GOLGA3: variants seen among roughly 807,000 people sequenced by gnomAD.
GOLGA3 encodes golgin A3.
GOLGA3 carries 75 observed loss-of-function variants against 169.4 expected under a neutral mutation model. The observed-to-expected ratio is 0.44, with a 90% CI of 0.37 to 0.54. The LOEUF (loss-of-function observed/expected upper bound fraction) is 0.54, where lower values mean the gene tolerates loss of function less well. Among genes scored for constraint, GOLGA3 ranks in the 20% least tolerant of loss-of-function variants. The pLI, the probability that GOLGA3 is intolerant of heterozygous loss-of-function variation, is 0.00. For synonymous variants in GOLGA3, 824 were observed against 822.4 expected, an observed-to-expected ratio of 1.00 and a Z score of -0.03; for missense variants, 1,899 against 1,930.0, an observed-to-expected ratio of 0.98 and a Z score of 0.30.
In GOLGA3 at chr12:132,773,301, C is replaced by G; in HGVS notation, c.4308-7G>C. On this transcript the variant is annotated splice_region_variant and splice_polypyrimidine_tract_variant and intron_variant, in intron 23 of 23. Transcript: ENST00000450791. ...CAGGCTGTCCATCTCCTGCCTGGGA[C>G]AGAAGAAGGAGGAAGAAGGCCCAGA... 1.4e-6 allele frequency: 2 copies of G among 1,393,518 alleles called. No homozygotes were observed. Among genetic ancestry groups the G allele is most frequent in the Non-Finnish European group, 1.9e-6 (2 of 1,057,228 alleles). 86.3% of individuals were successfully genotyped at this position (1,393,518 alleles called of 1,614,324 possible). A position where few individuals can be genotyped will look rare whatever the true frequency, so the allele number is the denominator to read the frequency against.
At chr12:132,811,020 C>T (rs1949677439) in intron 4 of GOLGA3, among the ~76,000 whole-genome samples, 1 of 152,250 alleles carries the variant, frequency 6.6e-6, no homozygotes, top group South Asian at 2.1e-4. Flanking sequence ...CCCTCTCTCT[C>T]TACCTCAGCT....
chr12:132,811,460 C>G (rs4758944), intron 4 of GOLGA3, among the ~76,000 whole-genome samples: 105,280 of 151,736 alleles, frequency 0.69, 36,828 homozygotes, highest in East Asian at 0.8. Flanking sequence ...GATAACTCTT[C>G]ATTTTTCATA....
intron 4 of GOLGA3, among the ~76,000 whole-genome samples, chr12:132,811,449 G>A (rs1949703653): frequency 6.6e-6 from 1 of 151,998 alleles, no homozygotes; most frequent in Non-Finnish European, 1.5e-5. Context: ...ACAACTGCTA[G>A]GATAACTCTT....
intron 3 of GOLGA3, among the ~76,000 whole-genome samples, chr12:132,814,582 A>C: frequency 6.6e-6 from 1 of 152,210 alleles, no homozygotes; most frequent in African/African-American, 2.4e-5. Context: ...GCTCTGACGC[A>C]CAGCTCATCT....
intron 13 of GOLGA3, 144 bp from the exon 14 acceptor site, chr12:132,786,931 G>C: frequency 1.6e-6 from 1 of 637,500 alleles, no homozygotes; most frequent in Non-Finnish European, 2.8e-6. Flanking sequence ...TCCTGAGAGA[G>C]ACGTCTGCCT....
rs201936977 is a variant in GOLGA3 at position 132,802,003 on chromosome 12, C to T, written c.1598-34G>A. ...GGGCAAGCACAGCGGCTCAGGCCAG[C>T]GACGGCCAACGGGGGAGTCCGCAGC... On this transcript the variant is annotated intron_variant, in intron 7 of 23. Coordinates refer to ENST00000450791, the MANE Select transcript of GOLGA3 (RefSeq NM_001389683.1). The T allele has an allele frequency of 1.9e-5, 29 of 1,559,066 alleles. No individual in the cohort carries two copies. The East Asian group carries it at 4.1e-4, about 22-fold the overall frequency.
chr12:132,790,543 G>T (rs1394053981), intron 12 of GOLGA3, among the ~76,000 whole-genome samples: 2 of 152,062 alleles, frequency 1.3e-5, no homozygotes, highest in Non-Finnish European at 2.9e-5. Flanking sequence ...TTCAATGCTG[G>T]AACTCTATGT....
At chr12:132,805,943 GCTGC>G (rs1488691877) in intron 6 of GOLGA3, among the ~76,000 whole-genome samples, 2 of 152,192 alleles carry the variant, frequency 1.3e-5, no homozygotes, top group Non-Finnish European at 2.9e-5. Flanking sequence ...GGGAAAGGCG[GCTGC>G]CTAAGTGCGG....
chr12:132,785,828 A>G (rs1032960192), intron 15 of GOLGA3, among the ~76,000 whole-genome samples: 2 of 152,252 alleles, frequency 1.3e-5, no homozygotes, highest in Admixed American at 6.5e-5. Context: ...ACGGAGGGCC[A>G]CGGCCTCCAC....
At chr12:132,779,406 T>C (rs1312589893) in intron 18 of GOLGA3, among the ~76,000 whole-genome samples, 2 of 152,184 alleles carry the variant, frequency 1.3e-5, no homozygotes, top group East Asian at 3.8e-4. Context: ...ATTAATTCTA[T>C]TTATAAAGAA....
intron 2 of GOLGA3, among the ~76,000 whole-genome samples, chr12:132,818,253 A>C (rs1284587592): frequency 6.6e-6 from 1 of 152,200 alleles, no homozygotes; most frequent in Non-Finnish European, 1.5e-5. Context: ...TAGTAACGAC[A>C]GTAACATTTC....
chr12:132,823,912 G>A (rs1462015493), intron 1 of GOLGA3, among the ~76,000 whole-genome samples: 1 of 151,740 alleles, frequency 6.6e-6, no homozygotes. Flanking sequence ...GTGAAACCTC[G>A]TCTCTACTAA....
intron 2 of GOLGA3, among the ~76,000 whole-genome samples, chr12:132,819,849 G>A (rs377541478): frequency 3.0e-4 from 45 of 152,252 alleles, no homozygotes; most frequent in African/African-American, 1.0e-3. Context: ...AGACCAGCCC[G>A]GGCAACAGCA....
At chr12:132,821,850 T>A (rs1400172309) in intron 2 of GOLGA3, 146 bp downstream of exon 2, 2 of 508,260 alleles carry the variant, frequency 3.9e-6, no homozygotes, top group Admixed American at 8.9e-5. Flanking sequence ...CGAGACTCCG[T>A]CTCAAAAAAA....
rs539009515 is a variant in GOLGA3, at chr12:132,795,220, G to A, written c.2469+632C>T. Among the ~76,000 whole-genome samples, 7 of 151,940 alleles carry A rather than the reference G, an allele frequency of 4.6e-5. No individual in the cohort carries two copies. The East Asian group carries it at 1.2e-3, about 25-fold the overall frequency. On this transcript the variant is annotated intron_variant, in intron 11 of 23. Coordinates refer to ENST00000450791, the MANE Select transcript of GOLGA3 (RefSeq NM_001389683.1). ...AAAAAAGAAAAAAGGGGTCGGGCGC[G>A]GTGGCTCACGCCTGTAATCCGAGCA...
Position 132,772,835 on chromosome 12 carries a change from C to G in GOLGA3, c.*270G>C, listed in dbSNP as rs1046860636. ...ATCGGTGGCCGCTCAGAAGCCACGA[C>G]CTACAAGTAACCCTTCAGACACGTT... is the stretch of plus-strand genomic sequence containing the variant. On this transcript the variant is annotated 3_prime_UTR_variant, in exon 24 of 24. Transcript: ENST00000450791. 2.8e-6 allele frequency: 1 copy of G among 358,256 alleles called. No homozygotes were observed. Among genetic ancestry groups the G allele is most frequent in the Non-Finnish European group, 5.1e-6 (1 of 194,888 alleles). The allele number at this position is 358,256 out of a possible 1,614,324, so 22.2% of individuals were successfully genotyped here. A position where few individuals can be genotyped will look rare whatever the true frequency, so the allele number is the denominator to read the frequency against.
Position 132,777,098 on chromosome 12 carries a change from A to T in GOLGA3, c.3723-8T>A. ...TGTTTCCCCTCCCGAATCCTAGCGT[A>T]AAAAAACAAGAAAGAAGGGAATCGC... On this transcript the variant is annotated splice_polypyrimidine_tract_variant and splice_region_variant and intron_variant, in intron 19 of 23. Coordinates refer to ENST00000450791, the MANE Select transcript of GOLGA3 (RefSeq NM_001389683.1). This position sits in a 1 kb window ranked among gnomAD's most constrained non-coding sequence, Gnocchi z 4.7. 1 of 1,571,074 alleles carries T rather than the reference A, an allele frequency of 6.4e-7. No homozygotes were observed. The highest frequency in any genetic ancestry group is 8.6e-7 in the Non-Finnish European group (1 of 1,161,826).
intron 2 of GOLGA3, among the ~76,000 whole-genome samples, chr12:132,820,484 CCT>C (rs1950161181): frequency 6.6e-6 from 1 of 152,194 alleles, no homozygotes; most frequent in Non-Finnish European, 1.5e-5. Flanking sequence ...TGATCTTGGG[CCT>C]CTAAGTTGTT....
At chr12:132,800,398 GC>G (rs1388603239) in intron 8 of GOLGA3, among the ~76,000 whole-genome samples, 1 of 152,110 alleles carries the variant, frequency 6.6e-6, no homozygotes, top group Non-Finnish European at 1.5e-5. Context: ...GGACGCTGAG[GC>G]AGGAGAATCA....
Sources: gnomAD v4.1 joint callset for allele counts (sites outside exome capture counted in the v4.1 genomes callset) on GRCh38, gnomAD v4.1.1 for gene constraint, Gnocchi (gnomAD v3.1) non-coding constraint, MANE v1.5 for transcripts, NCBI Gene and HGNC (gene_info 2026-07-23, HGNC 2026-07-21) for gene names.